The following ZNF800 variants were observed in gnomAD, a reference collection of about 807,000 sequenced individuals.
ZNF800 encodes the protein zinc finger protein 800.
Under a neutral mutation model 59.5 loss-of-function variants are expected in ZNF800, and 13 were observed. The observed-to-expected ratio is 0.22, with a 90% CI of 0.14 to 0.35. The LOEUF is 0.35. ZNF800 is among the 10% of genes least tolerant of loss of function. ZNF800 has a pLI of 1.00. For synonymous variants in ZNF800, 266 were observed against 265.7 expected, an observed-to-expected ratio of 1.00 and a Z score of -0.01; for missense variants, 621 against 783.7, an observed-to-expected ratio of 0.79 and a Z score of 2.48.
exon 2 of ZNF800, chr7:127,346,896 A>C (rs1474323175): frequency 1.3e-5 from 2 of 152,610 alleles, no homozygotes; most frequent in African/African-American, 4.8e-5. Context: ...AGTTTCAACC[A>C]GCCGGCTCAG....
At chr7:127,391,298 A>C (rs925717207) in intron 2 of ZNF800, among the ~76,000 whole-genome samples, 199 bp downstream of exon 2, 2 of 152,202 alleles carry the variant, frequency 1.3e-5, no homozygotes, top group Non-Finnish European at 2.9e-5. Context: ...TGACACTTGC[A>C]GTACTTTTTT....
intron 2 of ZNF800, among the ~76,000 whole-genome samples, chr7:127,389,703 AG>A (rs577361850): frequency 6.6e-6 from 1 of 152,236 alleles, no homozygotes; most frequent in Non-Finnish European, 1.5e-5. Context: ...GCAAGAAAAC[AG>A]TAACTACTGT....
At chr7:127,384,044 A>G (rs558166805) in intron 3 of ZNF800, among the ~76,000 whole-genome samples, 1 of 152,080 alleles carries the variant, frequency 6.6e-6, no homozygotes, top group Admixed American at 6.5e-5. Context: ...CAGAGAACAG[A>G]TATGATCACA....
chr7:127,354,697 T>C (rs1425093174), intron 1 of ZNF800, among the ~76,000 whole-genome samples: 1 of 152,104 alleles, frequency 6.6e-6, no homozygotes, highest in Admixed American at 6.6e-5. Flanking sequence ...TTTAAAAACA[T>C]GTTATTACAT....
chr7:127,386,706 G>A (rs566372048), intron 2 of ZNF800, among the ~76,000 whole-genome samples: 1 of 152,302 alleles, frequency 6.6e-6, no homozygotes, highest in Admixed American at 6.5e-5. Context: ...ATATAATTGA[G>A]AGAAATTTCA....
chr7:127,381,490 A>C (rs922213811), intron 3 of ZNF800, among the ~76,000 whole-genome samples: 2 of 152,168 alleles, frequency 1.3e-5, no homozygotes, highest in African/African-American at 4.8e-5. Flanking sequence ...CAATAAACTT[A>C]AGTAGAATAC....
intron 5 of ZNF800, among the ~76,000 whole-genome samples, chr7:127,372,406 G>A (rs1025472180): frequency 2.7e-5 from 4 of 150,822 alleles, no homozygotes; most frequent in Non-Finnish European, 5.9e-5. Context: ...CTTGAACCCA[G>A]GAGGCGGAAG....
downstream of ZNF800, among the ~76,000 whole-genome samples, chr7:127,366,348 A>G (rs1184895029): frequency 6.6e-6 from 1 of 152,164 alleles, no homozygotes; most frequent in Non-Finnish European, 1.5e-5. Context: ...GATTCACTAA[A>G]TCACCAACTC....
rs762866489 is a variant in ZNF800, at chr7:127,377,263, C to T, written c.224G>A (p.Arg75His). 16 of 1,610,894 alleles carry T rather than the reference C, an allele frequency of 9.9e-6. No homozygotes were observed. Among genetic ancestry groups the T allele is most frequent in the South Asian group, 1.1e-5 (1 of 90,896 alleles). ...VDTIFECKLC[R>H]SLFRGLPNLI... ...ATTTGGTAATCCTCTGAAGAGACTG[C>T]GGCATAACTTACATTCAAAAATAGT... Residue 75 changes from arginine to histidine, a missense_variant, in exon 4 of 6, where the codon CGC becomes CAC. By Grantham distance (29) the Arg-to-His change is conservative. Transcript: ENST00000265827. The surrounding 1 kb of genome is among the most constrained non-coding windows in gnomAD (Gnocchi z 4.7).
At chr7:127,388,989 C>T (rs1332923127) in intron 2 of ZNF800, among the ~76,000 whole-genome samples, 2 of 152,158 alleles carry the variant, frequency 1.3e-5, no homozygotes, top group Non-Finnish European at 2.9e-5. Context: ...AATCTTTCTC[C>T]AACCAAAAAA....
Position 127,370,257 on chromosome 7 carries a change from T to C in ZNF800, c.*1557A>G, listed in dbSNP as rs2117083730. 6.6e-6 allele frequency: 1 copy of C among 152,476 alleles called. No homozygotes were observed. Among genetic ancestry groups the C allele is most frequent in the East Asian group, 1.9e-4 (1 of 5,192 alleles). The allele number at this position is 152,476 out of a possible 1,614,324, so 9.4% of individuals were successfully genotyped here. A position where few individuals can be genotyped will look rare whatever the true frequency, so the allele number is the denominator to read the frequency against. On this transcript the variant is annotated 3_prime_UTR_variant, in exon 6 of 6. Coordinates refer to ENST00000265827, the MANE Select transcript of ZNF800 (RefSeq NM_176814.5). ...TCTTAGAAATAAAACTATCAGAATATAATTCAAGTGTAGCTGCTCATAGTC... is the reference window on the plus strand; with the variant it reads ...TCTTAGAAATAAAACTATCAGAATACAATTCAAGTGTAGCTGCTCATAGTC...
At chr7:127,357,658 AG>A (rs1294693967) in intron 1 of ZNF800, among the ~76,000 whole-genome samples, 2 of 152,142 alleles carry the variant, frequency 1.3e-5, no homozygotes, top group Non-Finnish European at 2.9e-5. Context: ...TTTTAAAATA[AG>A]ATTTTTCCTT....
chr7:127,387,742 TC>T (rs1801180963), intron 2 of ZNF800, among the ~76,000 whole-genome samples: 1 of 152,006 alleles, frequency 6.6e-6, no homozygotes, highest in African/African-American at 2.4e-5. Flanking sequence ...ATGCCTCTAG[TC>T]CTAGTTACGT....
chr7:127,377,421 G>T lies in ZNF800; in HGVS notation c.158-92C>A. On this transcript the variant is annotated intron_variant, in intron 3 of 5. Transcript: ENST00000265827. The surrounding 1 kb of genome is among the most constrained non-coding windows in gnomAD (Gnocchi z 4.7). Reference sequence around the variant, plus strand: ...CAACCACTGTTGACAGACCAAAAGTGCAGTTACTCTTTGAAAACAAAATAT... The same window carrying T: ...CAACCACTGTTGACAGACCAAAAGTTCAGTTACTCTTTGAAAACAAAATAT... The T allele has an allele frequency of 9.4e-7, 1 of 1,064,470 alleles. No homozygotes were observed. Among genetic ancestry groups the T allele is most frequent in the Non-Finnish European group, 1.3e-6 (1 of 758,074 alleles). 65.9% of individuals were successfully genotyped at this position (1,064,470 alleles called of 1,614,324 possible). A position where few individuals can be genotyped will look rare whatever the true frequency, so the allele number is the denominator to read the frequency against.
intron 3 of ZNF800, among the ~76,000 whole-genome samples, chr7:127,379,943 T>C (rs1032021473): frequency 1.4e-5 from 2 of 146,900 alleles, no homozygotes; most frequent in Non-Finnish European, 3.0e-5. Flanking sequence ...TCCAGATTTC[T>C]TTCAGGTCCA....
intron 1 of ZNF800, among the ~76,000 whole-genome samples, chr7:127,353,684 C>G (rs1219475651): frequency 6.6e-6 from 1 of 152,092 alleles, no homozygotes; most frequent in African/African-American, 2.4e-5. Flanking sequence ...AGTACTCAAC[C>G]TCTATGAATA....
chr7:127,343,241 A>ATATTATTATATT (rs1248149262), downstream of ZNF800, among the ~76,000 whole-genome samples: 1 of 151,800 alleles, frequency 6.6e-6, no homozygotes, highest in Non-Finnish European at 1.5e-5. Flanking sequence ...AGTTATATTA[A>ATATTATTATATT]TATTATAACA....
downstream of ZNF800, among the ~76,000 whole-genome samples, chr7:127,346,547 A>G (rs1800067506): frequency 6.6e-6 from 1 of 152,238 alleles, no homozygotes; most frequent in Admixed American, 6.5e-5. Context: ...CAGAATCTAG[A>G]CTAAGCAAGG....
exon 2 of ZNF800, chr7:127,346,946 A>T (rs1219616940): frequency 1.3e-5 from 2 of 152,558 alleles, no homozygotes; most frequent in Non-Finnish European, 2.9e-5. Context: ...GGAGTCCTAC[A>T]TCTTCCATGA....
Sources: allele counts gnomAD v4.1 joint callset (sites outside exome capture counted in the v4.1 genomes callset), GRCh38; gene constraint gnomAD v4.1.1; non-coding constraint Gnocchi (gnomAD v3.1); transcripts MANE v1.5; gene names NCBI Gene and HGNC (gene_info 2026-07-23, HGNC 2026-07-21).